The following SATB1 variants were observed in gnomAD, a reference collection of about 807,000 sequenced individuals.
SATB1 encodes SATB homeobox 1, also known as DNA-binding protein SATB1.
Under a neutral mutation model 86.9 loss-of-function variants are expected in SATB1, and 11 were observed. That is an observed-to-expected ratio of 0.13 (90% CI 0.08 to 0.21). The LOEUF (loss-of-function observed/expected upper bound fraction) is 0.21. Ranked by LOEUF, SATB1 falls within the 10% of genes least tolerant of loss-of-function variation. The pLI is 1.00. For synonymous variants in SATB1, 357 were observed against 357.2 expected (o/e 1.00, Z 0.01); for missense variants, 551 against 937.6 (o/e 0.59, Z 5.39).
At chr3:18,365,684 T>A (rs1246310979) in intron 9 of SATB1, among the ~76,000 whole-genome samples, 1 of 152,186 alleles carries the variant, frequency 6.6e-6, no homozygotes, top group Non-Finnish European at 1.5e-5. Flanking sequence ...AACCGTCTGA[T>A]AACTTTATAT....
chr3:18,432,502 A>G (rs1698919935), intron 2 of SATB1, among the ~76,000 whole-genome samples: 1 of 152,194 alleles, frequency 6.6e-6, no homozygotes, highest in Non-Finnish European at 1.5e-5. Context: ...TGCTATGCCC[A>G]CCACCATAAG....
chr3:18,418,436 C>A (rs1698226761), intron 2 of SATB1, among the ~76,000 whole-genome samples: 1 of 152,240 alleles, frequency 6.6e-6, no homozygotes. Flanking sequence ...TGACAAAACC[C>A]TTTAGGTTTA....
intron 2 of SATB1, among the ~76,000 whole-genome samples, chr3:18,419,809 G>A (rs1170911599): frequency 2.0e-5 from 3 of 152,048 alleles, no homozygotes; most frequent in Admixed American, 6.5e-5. Context: ...CTAACAATAC[G>A]GACTGCTGTG....
chr3:18,415,072 C>A, intron 5 of SATB1, 39 bp downstream of exon 5: 1 of 1,608,924 alleles, frequency 6.2e-7, no homozygotes, highest in Non-Finnish European at 8.5e-7. Flanking sequence ...CAGGGTTGCC[C>A]ATGATGTCTT....
chr3:18,437,524 A>G (rs1223642370), intron 1 of SATB1, among the ~76,000 whole-genome samples: 2 of 152,118 alleles, frequency 1.3e-5, no homozygotes, highest in Non-Finnish European at 2.9e-5. Flanking sequence ...CATGTCTCAG[A>G]AAAGGCTGTA....
At chr3:18,392,496 C>T (rs1276096546) in intron 7 of SATB1, among the ~76,000 whole-genome samples, 1 of 151,938 alleles carries the variant, frequency 6.6e-6, no homozygotes, top group African/African-American at 2.4e-5. Flanking sequence ...TTACTTAGTG[C>T]TTTAAGAAAT....
At chr3:18,428,447 T>G (rs1353972286), upstream of SATB1, among the ~76,000 whole-genome samples, 1 of 152,136 alleles carries the variant, frequency 6.6e-6, no homozygotes, top group East Asian at 1.9e-4. Flanking sequence ...AATTTCAACA[T>G]GAGTTTTGGA....
Position 18,378,271 on chromosome 3 carries a change from T to C in SATB1, c.1474A>G (p.Met492Val). 6.2e-7 allele frequency: 1 copy of C among 1,612,022 alleles called. No homozygotes were observed. Among genetic ancestry groups the C allele is most frequent in the Non-Finnish European group, 8.5e-7 (1 of 1,179,070 alleles). ...ERNGKPENNTMNINASIYDEI... is the reference protein window; with the variant it reads ...ERNGKPENNTVNINASIYDEI... ...TCATAAATGGAAGCATTAATGTTCA[T>C]GGTATTGTTCTCTGGTTTCCCATTC... Residue 492 changes from methionine (M) to valine (V), a missense_variant, in exon 9 of 11, where the codon ATG becomes GTG. By Grantham distance (21) the Met-to-Val change is conservative. Around this residue, in one of 8 missense-constraint regions of SATB1, gnomAD observed 110 missense variants for 212.2 expected, o/e 0.52. Coordinates refer to ENST00000338745, the MANE Select transcript of SATB1 (RefSeq NM_002971.6).
In SATB1 at chr3:18,443,897, G is replaced by A. The variant is rs922992367; in HGVS notation, c.-25+1621C>T. 2.0e-5 allele frequency among the ~76,000 whole-genome samples: 3 copies of A among 152,198 alleles called. No homozygotes were observed. Among genetic ancestry groups the A allele is most frequent in the Admixed American group, 2.0e-4 (3 of 15,280 alleles). On this transcript the variant is annotated intron_variant, in intron 1 of 3. Transcript: ENST00000415069. The surrounding 1 kb of genome is among the most constrained non-coding windows in gnomAD (Gnocchi z 4.4). ...CACATTCACGCCAGCAGCCTCTCCAGGACCGGCCTCGCTACAGCCAGCGAG... is the reference window on the plus strand; with the variant it reads ...CACATTCACGCCAGCAGCCTCTCCAAGACCGGCCTCGCTACAGCCAGCGAG...
At chr3:18,390,677 G>A (rs535331258) in intron 7 of SATB1, among the ~76,000 whole-genome samples, 1 of 152,086 alleles carries the variant, frequency 6.6e-6, no homozygotes, top group East Asian at 1.9e-4. Context: ...TTACATGATG[G>A]TCCATTACTG....
intron 2 of SATB1, among the ~76,000 whole-genome samples, chr3:18,420,214 A>G (rs1698313406): frequency 6.6e-6 from 1 of 152,202 alleles, no homozygotes; most frequent in South Asian, 2.1e-4. Flanking sequence ...TTTCTTCATC[A>G]AAAATACCCA....
chr3:18,376,249 G>C (rs1276273591), intron 9 of SATB1, among the ~76,000 whole-genome samples: 1 of 138,770 alleles, frequency 7.2e-6, no homozygotes, highest in Non-Finnish European at 1.6e-5. Flanking sequence ...ATCAATCACA[G>C]GGAATCAGAA....
At chr3:18,417,137 G>C in intron 2 of SATB1, 59 bp from the exon 3 acceptor site, 2 of 1,535,244 alleles carry the variant, frequency 1.3e-6, no homozygotes. Flanking sequence ...AATACAGCTT[G>C]GGGGTGGCGG....
At chr3:18,401,507 C>T (rs981080342) in intron 5 of SATB1, among the ~76,000 whole-genome samples, 1 of 152,078 alleles carries the variant, frequency 6.6e-6, no homozygotes, top group African/African-American at 2.4e-5. Flanking sequence ...CTATCCAAAG[C>T]ACTTTGAAAA....
At chr3:18,357,382 C>A (rs966602274) in intron 9 of SATB1, among the ~76,000 whole-genome samples, 4 of 151,704 alleles carry the variant, frequency 2.6e-5, no homozygotes, top group African/African-American at 9.7e-5. Context: ...CTAAACTACA[C>A]CAGGCATTTG....
chr3:18,421,565 T>C (rs1305042230), intron 1 of SATB1, among the ~76,000 whole-genome samples: 2 of 152,180 alleles, frequency 1.3e-5, no homozygotes, highest in African/African-American at 2.4e-5. Context: ...TGTAAATTAA[T>C]GCATAGAAAA....
chr3:18,433,085 A>G (rs549654864), intron 2 of SATB1, among the ~76,000 whole-genome samples: 5 of 152,296 alleles, frequency 3.3e-5, no homozygotes, highest in East Asian at 1.9e-4. Context: ...GGTTCCTTCA[A>G]TGTAAGAAAA....
chr3:18,420,694 A>G (rs757415739), intron 2 of SATB1, 63 bp downstream of exon 2: 81 of 1,328,694 alleles, frequency 6.1e-5, no homozygotes, highest in Non-Finnish European at 7.9e-5. Context: ...ACCCCCACAC[A>G]GTGTGGCCTT....
At chr3:18,351,292 T>G (rs776901541) in intron 10 of SATB1, 3 of 1,532,364 alleles carry the variant, frequency 2.0e-6, no homozygotes, top group South Asian at 1.2e-5. Flanking sequence ...CTTGGTGGCA[T>G]AGGTAACTGT....
Sources: allele counts gnomAD v4.1 joint callset (sites outside exome capture counted in the v4.1 genomes callset), GRCh38; gene constraint gnomAD v4.1.1; regional missense constraint gnomAD v4.1.1; non-coding constraint Gnocchi (gnomAD v3.1); transcripts MANE v1.5; gene names NCBI Gene and HGNC (gene_info 2026-07-23, HGNC 2026-07-21).